ETV5: variants seen among roughly 807,000 people sequenced by gnomAD.
The protein encoded by ETV5 is ETS variant transcription factor 5, also known as ETS translocation variant 5.
In ETV5, 10 loss-of-function variants were observed where a neutral mutation model predicts 70.0. The observed-to-expected ratio is 0.14, with a 90% confidence interval of 0.09 to 0.24. The LOEUF is 0.24. Ranked by LOEUF, ETV5 falls within the 10% of genes least tolerant of loss-of-function variation. ETV5 has a pLI of 1.00. For synonymous variants in ETV5, 216 were observed against 242.2 expected, an observed-to-expected ratio of 0.89 and a Z score of 1.01; for missense variants, 453 against 651.2, an observed-to-expected ratio of 0.70 and a Z score of 3.31.
At chr3:186,080,459 A>C (rs1179395191) in intron 6 of ETV5, 3 of 243,188 alleles carry the variant, frequency 1.2e-5, no homozygotes, top group Middle Eastern at 2.4e-3. Flanking sequence ...CCCTCTCCCA[A>C]CTATTTCCAG....
chr3:186,048,842 C>T lies in ETV5; in HGVS notation c.1330G>A (p.Val444Ile), dbSNP rs767576093. ...IMQKVAGERY[V>I]YKFVCDPDAL... ...TCTGGGTCACAGACAAATTTGTAGACGTATCGCTCTCCAGCCACCTGCGGG... is the reference window on the plus strand; with the variant it reads ...TCTGGGTCACAGACAAATTTGTAGATGTATCGCTCTCCAGCCACCTGCGGG... The change falls in exon 13 of 13, where the codon GTC becomes ATC. Residue 444 changes from valine to isoleucine, a missense_variant. Transcript: ENST00000306376. The T allele has an allele frequency of 1.2e-6, 2 of 1,613,968 alleles. No individual in the cohort carries two copies. The highest frequency in any genetic ancestry group is 1.7e-6 in the Non-Finnish European group (2 of 1,179,970).
rs985880902 is a variant in ETV5, at chr3:186,048,452, C to T, written c.*187G>A. 2.3e-5 allele frequency: 14 copies of T among 601,312 alleles called. No individual in the cohort carries two copies. In the Middle Eastern group the frequency reaches 1.8e-3, roughly 76 times the overall value. 37.2% of individuals were successfully genotyped at this position (601,312 alleles called of 1,614,324 possible). ...CCTTTTGGTGGTTTTCTGCCCCTCC[C>T]TGTTCCCACTCCCCAGCCAATGTAT... On this transcript the variant is annotated 3_prime_UTR_variant, in exon 13 of 13. Transcript: ENST00000306376.
rs765621556 is a variant in ETV5, at chr3:186,052,126, A to G, written c.1215T>C (p.Ala405=). ...EFKLIEPEEV[A]RRWGIQKNRP... ...GGTTCTTCTGGATGCCCCAGCGCCG[A>G]GCAACCTGAAGAGACAGGAAAGTGA... is the stretch of plus-strand genomic sequence containing the variant. The change falls in exon 12 of 13, where the codon GCT becomes GCC. Residue 405 remains alanine, a synonymous_variant. Coordinates refer to ENST00000306376, the MANE Select transcript of ETV5 (RefSeq NM_004454.3). The surrounding 1 kb of genome is among the most constrained non-coding windows in gnomAD (Gnocchi z 4.5). The G allele has an allele frequency of 1.2e-6, 2 of 1,613,690 alleles. No individual in the cohort carries two copies. The highest frequency in any genetic ancestry group is 1.7e-6 in the Non-Finnish European group (2 of 1,179,740).
At chr3:186,082,889 C>A (rs1177127213) in intron 5 of ETV5, among the ~76,000 whole-genome samples, 1 of 152,176 alleles carries the variant, frequency 6.6e-6, no homozygotes, top group Non-Finnish European at 1.5e-5. Context: ...CAAAGTCTTG[C>A]CAGTGACTGA....
chr3:186,087,968 G>A (rs1167879640), intron 5 of ETV5, among the ~76,000 whole-genome samples: 2 of 148,282 alleles, frequency 1.3e-5, no homozygotes, highest in East Asian at 5.5e-4. Flanking sequence ...TGTAGCTGCT[G>A]AGTGTTAAAG....
At chr3:186,103,807 G>T (rs1578564075) in intron 5 of ETV5, among the ~76,000 whole-genome samples, 1 of 152,248 alleles carries the variant, frequency 6.6e-6, no homozygotes, top group African/African-American at 2.4e-5. Flanking sequence ...AGGTAACCAT[G>T]CATGTGTGTG....
rs547190842 is a variant in ETV5 at position 186,105,705 on chromosome 3, C to T, written c.53G>A (p.Arg18Gln). The T allele has an allele frequency of 2.4e-5, 39 of 1,614,100 alleles. No individual in the cohort carries two copies. In the Admixed American group the frequency reaches 4.5e-4, roughly 19 times the overall value. ...QVPFMVPGKS[R>Q]SEECRGRPVI... is the part of the protein sequence containing the mutation. The stretch of plus-strand genomic sequence containing the variant: ...AGGCCGCCCTCTGCATTCCTCAGAT[C>T]GAGATTTCTGAAAGAGGCCAACAGA... Residue 18 changes from arginine to glutamine, a missense_variant, in exon 3 of 13, where the codon CGA becomes CAA. By Grantham distance (43) the Arg-to-Gln change is conservative (BLOSUM62 1). Coordinates refer to ENST00000306376, the MANE Select transcript of ETV5 (RefSeq NM_004454.3). The surrounding 1 kb of genome is among the most constrained non-coding windows in gnomAD (Gnocchi z 4.5).
intron 9 of ETV5, among the ~76,000 whole-genome samples, chr3:186,062,595 T>C (rs981842040): frequency 2.0e-5 from 3 of 152,056 alleles, no homozygotes; most frequent in African/African-American, 7.2e-5. Flanking sequence ...CACTCCAGCC[T>C]GGCGACAGAG....
chr3:186,104,588 A>T (rs1714542744), intron 5 of ETV5, among the ~76,000 whole-genome samples: 1 of 152,118 alleles, frequency 6.6e-6, no homozygotes, highest in South Asian at 2.1e-4. Flanking sequence ...AGAAAAAGAG[A>T]AATATCAGGT....
chr3:186,079,700 A>T, intron 7 of ETV5, 117 bp downstream of exon 7: 1 of 1,083,354 alleles, frequency 9.2e-7, no homozygotes, highest in Non-Finnish European at 1.3e-6. Flanking sequence ...AAGCTGCCTC[A>T]ATGTAATGAT....
chr3:186,058,613 G>A (rs900678821), intron 9 of ETV5, among the ~76,000 whole-genome samples: 1 of 152,180 alleles, frequency 6.6e-6, no homozygotes, highest in Admixed American at 6.5e-5. Context: ...GGCTGGGCAC[G>A]GTGGTGAGCA....
intron 7 of ETV5, 28 bp downstream of exon 7, chr3:186,079,785 CAATT>C: frequency 6.3e-7 from 1 of 1,583,362 alleles, no homozygotes; most frequent in Non-Finnish European, 8.6e-7. Flanking sequence ...GTGAGGGAGA[CAATT>C]AAGGAAGAAG....
intron 11 of ETV5, among the ~76,000 whole-genome samples, chr3:186,055,578 A>G (rs1226745335): frequency 6.6e-6 from 1 of 152,228 alleles, no homozygotes; most frequent in African/African-American, 2.4e-5. Context: ...CATTCTCGTG[A>G]GTGAATATAA....
rs1383314311 is a variant in ETV5 at position 186,048,629 on chromosome 3, A to G, written c.*10T>C. ...AGCTCTAGGGTTTGGCCACTCCGCC[A>G]CTCAGAAACTTAGTAAGCAAAGCCT... On this transcript the variant is annotated 3_prime_UTR_variant, in exon 13 of 13. Transcript: ENST00000306376. 6.2e-7 allele frequency: 1 copy of G among 1,613,304 alleles called. No individual in the cohort carries two copies. The highest frequency in any genetic ancestry group is 1.3e-5 in the African/African-American group (1 of 74,902).
chr3:186,079,903 C>T lies in ETV5; in HGVS notation c.564G>A (p.Gln188=), dbSNP rs776452133. The T allele has an allele frequency of 6.5e-7, 1 of 1,532,348 alleles. No individual in the cohort carries two copies. The highest frequency in any genetic ancestry group is 2.4e-5 in the East Asian group (1 of 41,512). 94.9% of individuals were successfully genotyped at this position (1,532,348 alleles called of 1,614,324 possible). ...GTGGTCGGGGGACCGCAAATGTTTG[C>T]TGCTGTGGTCCAGGCTCTGGAAGCG... ...PHSLPEPGPQ[Q]QTFAVPRPPH... is the part of the protein sequence containing the mutation. Residue 188 remains glutamine (Q), a synonymous_variant, in exon 7 of 13, where the codon CAG becomes CAA. Coordinates refer to ENST00000306376, the MANE Select transcript of ETV5 (RefSeq NM_004454.3).
chr3:186,085,096 C>T (rs1323659979), intron 5 of ETV5, among the ~76,000 whole-genome samples: 3 of 151,118 alleles, frequency 2.0e-5, no homozygotes, highest in Admixed American at 1.3e-4. Context: ...TTTACGAACA[C>T]GAAAACAAGG....
At position 186,090,252 on chromosome 3, in the gene ETV5, TTACACAAGG is replaced by T; in HGVS notation, c.233-9086_233-9078del. 2.0e-5 allele frequency among the ~76,000 whole-genome samples: 3 copies of T among 152,292 alleles called. No individual in the cohort carries two copies. In the Middle Eastern group the frequency reaches 0.01, roughly 518 times the overall value. ...ATAATACAGCCCTGGGAATCTAGCC[TTACACAAGG>T]ATATATGCTGGTCATACCTAATGTC... On this transcript the variant is annotated intron_variant, in intron 5 of 12. Coordinates refer to ENST00000306376, the MANE Select transcript of ETV5 (RefSeq NM_004454.3).
Position 186,054,365 on chromosome 3 carries a change from C to T in ETV5, c.1210-2234G>A, listed in dbSNP as rs1713106634. ...CTTCTCCCCTTTAAAGAGAGAGCAG[C>T]CACAGCCCAGGGAGTGGCTCTTTCT... On this transcript the variant is annotated intron_variant, in intron 11 of 12. Coordinates refer to ENST00000306376, the MANE Select transcript of ETV5 (RefSeq NM_004454.3). The surrounding 1 kb of genome is among the most constrained non-coding windows in gnomAD (Gnocchi z 4.4). Among the ~76,000 whole-genome samples, 1 of 152,292 alleles carries T rather than the reference C, an allele frequency of 6.6e-6. No homozygotes were observed. Among genetic ancestry groups the T allele is most frequent in the African/African-American group, 2.4e-5 (1 of 41,564 alleles).
rs1712906814 is a variant in ETV5 at position 186,047,448 on chromosome 3, A to C, written c.*1191T>G. 4.3e-6 allele frequency: 1 copy of C among 231,914 alleles called. No individual in the cohort carries two copies. Among genetic ancestry groups the C allele is most frequent in the Non-Finnish European group, 8.5e-6 (1 of 117,218 alleles). 14.4% of individuals were successfully genotyped at this position (231,914 alleles called of 1,614,324 possible). A position where few individuals can be genotyped will look rare whatever the true frequency, so the allele number is the denominator to read the frequency against. On this transcript the variant is annotated 3_prime_UTR_variant, in exon 13 of 13. Transcript: ENST00000306376. ...AATTGTCATCAGTCATGCCCAGGGAAGAATCCCAAGGGTTTTCACCAGGTG... is the reference window on the plus strand; with the variant it reads ...AATTGTCATCAGTCATGCCCAGGGACGAATCCCAAGGGTTTTCACCAGGTG...
Sources: gnomAD v4.1 joint callset for allele counts (sites outside exome capture counted in the v4.1 genomes callset) on GRCh38, gnomAD v4.1.1 for gene constraint, Gnocchi (gnomAD v3.1) non-coding constraint, MANE v1.5 for transcripts, NCBI Gene and HGNC (gene_info 2026-07-23, HGNC 2026-07-21) for gene names.